Variants in ASTN1 observed in about 807,000 individuals in gnomAD.
The protein encoded by ASTN1 is astrotactin-1.
In ASTN1, 41 loss-of-function variants were observed where a neutral mutation model predicts 140.7. The observed-to-expected ratio is 0.29, with a 90% CI of 0.23 to 0.38. The LOEUF is 0.38. Among genes scored for constraint, ASTN1 ranks in the 10% least tolerant of loss-of-function variants. The probability of loss-of-function intolerance (pLI) is 1.00; values close to 1 mark genes in which losing one functional copy is unlikely to be tolerated. For missense variants in ASTN1, 1,479 were observed against 1,678.8 expected (o/e 0.88, Z 2.08); for synonymous variants, 640 against 652.2 (o/e 0.98, Z 0.29).
chr1:177,002,701 A>T (rs1163443341), intron 8 of ASTN1, among the ~76,000 whole-genome samples: 1 of 152,222 alleles, frequency 6.6e-6, no homozygotes, highest in African/African-American at 2.4e-5. Context: ...TGATTATAGT[A>T]TGAGTGTTTG....
At chr1:177,022,018 G>A (rs1675850033) in intron 7 of ASTN1, among the ~76,000 whole-genome samples, 1 of 152,210 alleles carries the variant, frequency 6.6e-6, no homozygotes, top group Non-Finnish European at 1.5e-5. Flanking sequence ...TGTTTAAAAT[G>A]TTGTACTTTC....
intron 1 of ASTN1, among the ~76,000 whole-genome samples, chr1:177,067,360 A>G (rs1240519159): frequency 1.3e-5 from 2 of 152,180 alleles, no homozygotes; most frequent in African/African-American, 2.4e-5. Context: ...TGAGCTCCGG[A>G]CTTTAGTAGT....
intron 2 of ASTN1, among the ~76,000 whole-genome samples, chr1:177,042,799 C>G (rs1366818006): frequency 6.6e-6 from 1 of 152,114 alleles, no homozygotes; most frequent in Non-Finnish European, 1.5e-5. Flanking sequence ...AGAAAGAAGC[C>G]CACCACTGTG....
At chr1:177,104,863 A>G (rs1253759807) in intron 1 of ASTN1, among the ~76,000 whole-genome samples, 4 of 152,186 alleles carry the variant, frequency 2.6e-5, no homozygotes, top group Non-Finnish European at 5.9e-5. Context: ...GTCTTCCCAC[A>G]CTTTACAACT....
At chr1:177,095,925 G>A (rs2102116758) in intron 1 of ASTN1, among the ~76,000 whole-genome samples, 1 of 152,338 alleles carries the variant, frequency 6.6e-6, no homozygotes, top group Admixed American at 6.5e-5. Flanking sequence ...GCTGCCAGGA[G>A]TCTTAGAGAA....
chr1:177,119,271 G>C (rs546724266), intron 1 of ASTN1, among the ~76,000 whole-genome samples: 1 of 152,296 alleles, frequency 6.6e-6, no homozygotes, highest in East Asian at 1.9e-4. Flanking sequence ...CTGGTGCCTA[G>C]TAGGTGCTAA....
At position 176,864,067 on chromosome 1, in the gene ASTN1, A is replaced by G. The variant is rs1031879637; in HGVS notation, c.*217T>C. 1 of 1,387,800 alleles carries G rather than the reference A, an allele frequency of 7.2e-7. No individual in the cohort carries two copies. Among genetic ancestry groups the G allele is most frequent in the East Asian group, 2.7e-5 (1 of 36,882 alleles). The allele number at this position is 1,387,800 out of a possible 1,614,324, so 86.0% of individuals were successfully genotyped here. A position where few individuals can be genotyped will look rare whatever the true frequency, so the allele number is the denominator to read the frequency against. On this transcript the variant is annotated 3_prime_UTR_variant, in exon 23 of 23. Transcript: ENST00000361833. ...ATCCTCTAAAGAAATATGGCACTGC[A>G]TGAAGCCACTGGCTGGCAGATTTCC...
chr1:177,123,623 C>A (rs910502346), intron 1 of ASTN1, among the ~76,000 whole-genome samples: 1 of 152,128 alleles, frequency 6.6e-6, no homozygotes, highest in African/African-American at 2.4e-5. Flanking sequence ...ATCTGGCTAC[C>A]CTAACCTCAA....
chr1:176,976,035 G>C (rs928510655), intron 8 of ASTN1: 1 of 152,134 alleles, frequency 6.6e-6, no homozygotes, highest in Non-Finnish European at 1.5e-5. Flanking sequence ...TGGATAATGA[G>C]AGGTGAAGCA....
downstream of ASTN1, among the ~76,000 whole-genome samples, chr1:176,860,507 G>C (rs535855455): frequency 6.6e-6 from 1 of 152,180 alleles, no homozygotes; most frequent in Non-Finnish European, 1.5e-5. Context: ...AAGAGATTAC[G>C]TATTTTGGGC....
chr1:177,159,498 T>C (rs1042916520), intron 1 of ASTN1, among the ~76,000 whole-genome samples: 1 of 152,214 alleles, frequency 6.6e-6, no homozygotes, highest in African/African-American at 2.4e-5. Context: ...GATACCTGGG[T>C]ATTTTAACTG....
At chr1:177,087,954 C>T (rs1254037324) in intron 1 of ASTN1, among the ~76,000 whole-genome samples, 1 of 152,194 alleles carries the variant, frequency 6.6e-6, no homozygotes, top group Admixed American at 6.5e-5. Context: ...CATTTCAGCA[C>T]CAGCTCAGTT....
intron 16 of ASTN1, among the ~76,000 whole-genome samples, chr1:176,931,475 TAAATAAATAAAC>T (rs1206506731): frequency 2.7e-5 from 4 of 150,282 alleles, no homozygotes; most frequent in South Asian, 4.2e-4. Context: ...TTTGAAAAAA[TAAATAAATAAAC>T]AAATAAATAA....
At chr1:176,869,514 G>A (rs976981351) in intron 21 of ASTN1, among the ~76,000 whole-genome samples, 11 of 152,136 alleles carry the variant, frequency 7.2e-5, no homozygotes, top group Non-Finnish European at 1.2e-4. Context: ...AAGCAGGAGC[G>A]AAGATAAAGG....
chr1:176,888,539 C>T (rs1376873944), intron 17 of ASTN1, among the ~76,000 whole-genome samples: 2 of 152,154 alleles, frequency 1.3e-5, no homozygotes, highest in African/African-American at 4.8e-5. Flanking sequence ...AAAAAAATTA[C>T]GCCTCTACCA....
intron 19 of ASTN1, 127 bp downstream of exon 19, chr1:176,884,212 C>T: frequency 9.3e-7 from 1 of 1,078,548 alleles, no homozygotes; most frequent in East Asian, 2.5e-5. Context: ...TTCTTCTTCT[C>T]CCTGCTCCTC....
At chr1:177,067,000 C>T (rs901124329) in intron 1 of ASTN1, among the ~76,000 whole-genome samples, 2 of 152,100 alleles carry the variant, frequency 1.3e-5, no homozygotes, top group Non-Finnish European at 2.9e-5. Context: ...GAGGTTGACA[C>T]TCCCTGATGG....
rs116401562 is a variant in ASTN1 at position 176,902,954 on chromosome 1, T to C, written c.2672-8124A>G. 3.2e-3 allele frequency among the ~76,000 whole-genome samples: 484 copies of C among 152,360 alleles called. 6 individuals carry two copies. Among genetic ancestry groups the C allele is most frequent in the African/African-American group, 0.011 (466 of 41,578 alleles). On this transcript the variant is annotated intron_variant, in intron 16 of 22. Coordinates refer to ENST00000361833, the MANE Select transcript of ASTN1 (RefSeq NM_004319.3). ...AAGCTTTCACTCCTCAAAGGAAGTC[T>C]TCTAATCAGCTAGACTGTTAGTTCC...
Position 176,888,054 on chromosome 1 carries a change from G to C in ASTN1, c.3074+17C>G, listed in dbSNP as rs752303313. On this transcript the variant is annotated intron_variant, in intron 18 of 22. Coordinates refer to ENST00000361833, the MANE Select transcript of ASTN1 (RefSeq NM_004319.3). ...CTGTTTCCAGAGTAATGCTGAAAGA[G>C]AGAAAGAGAACCATACACAGGCTGT... 6 of 1,613,882 alleles carry C rather than the reference G, an allele frequency of 3.7e-6. No individual in the cohort carries two copies. Among genetic ancestry groups the C allele is most frequent in the South Asian group, 2.2e-5 (2 of 91,068 alleles).
Sources: allele counts gnomAD v4.1 joint callset (sites outside exome capture counted in the v4.1 genomes callset), GRCh38; gene constraint gnomAD v4.1.1; transcripts MANE v1.5; gene names NCBI Gene and HGNC (gene_info 2026-07-23, HGNC 2026-07-21).